Variants in IL18BP observed in about 807,000 individuals in gnomAD.
IL18BP encodes the protein interleukin 18 binding protein, also known as interleukin-18-binding protein.
Under a neutral mutation model 19.9 loss-of-function variants are expected in IL18BP, and 23 were observed. The observed-to-expected ratio is 1.15, with a 90% confidence interval of 0.83 to 1.64. IL18BP has a LOEUF of 1.64. Ranked by LOEUF, IL18BP falls within the 40% of genes most tolerant of loss-of-function variation. IL18BP has a pLI of 0.00. For synonymous variants in IL18BP, 107 were observed against 101.0 expected, an observed-to-expected ratio of 1.06 and a Z score of -0.35; for missense variants, 239 against 240.7, an observed-to-expected ratio of 0.99 and a Z score of 0.05.
At chr11:72,007,472 C>T (rs200238731), downstream of IL18BP, 51 of 1,607,692 alleles carry the variant, frequency 3.2e-5, no homozygotes, top group Middle Eastern at 1.9e-4. Flanking sequence ...CAGTCCTTCA[C>T]GCTAGAAGGC....
chr11:72,005,900 A>C, downstream of IL18BP: 1 of 727,760 alleles, frequency 1.4e-6, no homozygotes, highest in South Asian at 1.8e-5. Context: ...GGCTGCAGGA[A>C]GGAGGGGCAG....
At chr11:72,000,641 G>C in intron 3 of IL18BP, 84 bp downstream of exon 3, 1 of 1,157,496 alleles carries the variant, frequency 8.6e-7, no homozygotes, top group South Asian at 1.3e-5. Flanking sequence ...GTCCCCTTCT[G>C]CCCATGTACC....
intron 1 of IL18BP, chr11:71,999,534 T>A: frequency 4.7e-6 from 1 of 213,220 alleles, no homozygotes; most frequent in South Asian, 6.6e-5. Context: ...TGCTCAAGAT[T>A]CCCTGGTTAA....
chr11:72,001,747 T>C, intron 5 of IL18BP, 37 bp from the exon 6 acceptor site: 1 of 1,614,000 alleles, frequency 6.2e-7, no homozygotes, highest in Non-Finnish European at 8.5e-7. Context: ...GTCCCTCCTT[T>C]CCTTGGCCTG....
rs138303272 is a variant in IL18BP, at chr11:72,000,725, G to A, written c.235+168G>A. 4.2e-3 allele frequency among the ~76,000 whole-genome samples: 643 copies of A among 152,272 alleles called. 2 individuals are homozygous for A. Among genetic ancestry groups the A allele is most frequent in the African/African-American group, 0.015 (610 of 41,544 alleles). ...CCAGTGTCATGGGTGCAGGCTTGGC[G>A]CAGCTCCCAAGATGCTCCCTATCAA... On this transcript the variant is annotated intron_variant, in intron 3 of 5. Coordinates refer to ENST00000393703, the MANE Select transcript of IL18BP (RefSeq NM_001039660.2).
chr11:72,004,352 GAGGAC>G, downstream of IL18BP: 1 of 1,608,472 alleles, frequency 6.2e-7, no homozygotes, highest in Non-Finnish European at 8.5e-7. Context: ...CTATGGAGAA[GAGGAC>G]AGTTAGGCAG....
chr11:72,001,101 A>G, intron 3 of IL18BP, 100 bp from the exon 4 acceptor site: 1 of 1,442,712 alleles, frequency 6.9e-7, no homozygotes, highest in Non-Finnish European at 9.6e-7. Flanking sequence ...TAGGTTCCAG[A>G]TGCATGGGGA....
chr11:72,007,508 G>A (rs1017959501), downstream of IL18BP: 4 of 1,555,744 alleles, frequency 2.6e-6, no homozygotes, highest in Non-Finnish European at 2.6e-6. Flanking sequence ...TTTTGAAAGT[G>A]ACCATTTCCC....
chr11:72,005,530 C>A, downstream of IL18BP: 1 of 632,226 alleles, frequency 1.6e-6, no homozygotes, highest in Non-Finnish European at 2.7e-6. Flanking sequence ...GGCACACAGA[C>A]TATTTCTATC....
At chr11:72,003,751 A>C (rs937151538), downstream of IL18BP, 1 of 1,042,968 alleles carries the variant, frequency 9.6e-7, no homozygotes, top group African/African-American at 1.6e-5. Context: ...AGGAGCTACC[A>C]GGACAGGGAC....
At position 72,001,905 on chromosome 11, in the gene IL18BP, T is replaced by C; in HGVS notation, c.*44T>C. On this transcript the variant is annotated 3_prime_UTR_variant, in exon 6 of 6. Transcript: ENST00000393703. ...CAGCAGCACAACCTTGACCAGAGCT[T>C]GGGTCCTACCTGTCTACCTGGAGTG... The C allele has an allele frequency of 6.2e-7, 1 of 1,612,912 alleles. No homozygotes were observed.
chr11:72,000,041 C>T lies in IL18BP; in HGVS notation c.28+29C>T, dbSNP rs886962029. On this transcript the variant is annotated intron_variant, in intron 2 of 5. Transcript: ENST00000393703. ...GGCCTTGGGGCTACGCATGGGCAGG[C>T]GGGGTAGGGTGAGGTCTATGAACAG... is the stretch of plus-strand genomic sequence containing the variant. 1.4e-5 allele frequency: 22 copies of T among 1,612,592 alleles called. No individual in the cohort carries two copies. In the East Asian group the frequency reaches 2.0e-4, roughly 15 times the overall value.
At position 72,001,934 on chromosome 11, in the gene IL18BP, AGTCCCTGACT is replaced by A; in HGVS notation, c.*75_*84del. On this transcript the variant is annotated 3_prime_UTR_variant, in exon 6 of 6. Transcript: ENST00000393703. ...TCCTACCTGTCTACCTGGAGTGAAC[AGTCCCTGACT>A]GCCTGTAGGCTGCGTGGATGCGCAA... The A allele has an allele frequency of 6.2e-7, 1 of 1,600,556 alleles. No individual in the cohort carries two copies. Among genetic ancestry groups the A allele is most frequent in the South Asian group, 1.1e-5 (1 of 89,708 alleles).
chr11:72,003,418 T>C, downstream of IL18BP: 1 of 1,090,440 alleles, frequency 9.2e-7, no homozygotes, highest in Non-Finnish European at 1.4e-6. Context: ...GGGGTTTGGC[T>C]ACTGTTGGCC....
At chr11:72,006,166 G>A, downstream of IL18BP, 2 of 1,614,218 alleles carry the variant, frequency 1.2e-6, no homozygotes, top group Non-Finnish European at 1.7e-6. Flanking sequence ...TAGAGACTGA[G>A]TAGAGGAGGT....
rs1388595919 is a variant in IL18BP at position 72,002,089 on chromosome 11, C to T, written c.*228C>T. On this transcript the variant is annotated 3_prime_UTR_variant, in exon 6 of 6. Transcript: ENST00000393703. ...TCCTCCTCCTGCCATTCTCTCTCCA[C>T]CTATCCATTAGCCTTCCTAACGTCC... 1 of 635,436 alleles carries T rather than the reference C, an allele frequency of 1.6e-6. No homozygotes were observed. Among genetic ancestry groups the T allele is most frequent in the Non-Finnish European group, 2.8e-6 (1 of 357,444 alleles). 39.4% of individuals were successfully genotyped at this position (635,436 alleles called of 1,614,324 possible).
chr11:71,999,190 G>A (rs1457690615), intron 1 of IL18BP, 171 bp downstream of exon 1: 4 of 512,988 alleles, frequency 7.8e-6, no homozygotes, highest in Non-Finnish European at 1.6e-5. Flanking sequence ...GACTGGTATG[G>A]CATTGAGCCT....
At chr11:71,999,867 A>G (rs1955118443) in intron 1 of IL18BP, 60 bp from the exon 2 acceptor site, 1 of 998,178 alleles carries the variant, frequency 1.0e-6, no homozygotes, top group Admixed American at 2.2e-5. Flanking sequence ...ACTGAGGAAA[A>G]GCCAGCTACT....
chr11:72,000,391 CGTCACTCTCCTGGTCAGA>C lies in IL18BP; in HGVS notation c.71_88del (p.Val24_Arg29del). The C allele has an allele frequency of 6.2e-7, 1 of 1,614,032 alleles. No individual in the cohort carries two copies. Among genetic ancestry groups the C allele is most frequent in the African/African-American group, 1.3e-5 (1 of 75,038 alleles). On this transcript the variant is annotated inframe_deletion, in exon 3 of 6. Transcript: ENST00000393703. ...GGGTCCTGCTCCTGTGTGCCCACGT[CGTCACTCTCCTGGTCAGA>C]GCCACACCTGTCTCGCAGACCACCA...
Sources: allele counts gnomAD v4.1 joint callset (sites outside exome capture counted in the v4.1 genomes callset), GRCh38; gene constraint gnomAD v4.1.1; transcripts MANE v1.5; gene names NCBI Gene and HGNC (gene_info 2026-07-23, HGNC 2026-07-21).